The following LRBA variants were observed in gnomAD, a reference collection of about 807,000 sequenced individuals.
LRBA encodes the protein LPS responsive beige-like anchor protein.
Under a neutral mutation model 330.0 loss-of-function variants are expected in LRBA, and 176 were observed. The observed-to-expected ratio is 0.53, with a 90% CI of 0.47 to 0.60. LRBA has a LOEUF of 0.60. LRBA is among the 20% of genes least tolerant of loss of function. The probability of loss-of-function intolerance (pLI) is 0.00; values close to 1 mark genes in which losing one functional copy is unlikely to be tolerated. For synonymous variants in LRBA, 1,230 were observed against 1,193.0 expected (o/e 1.03, Z -0.64); for missense variants, 3,259 against 3,444.8 (o/e 0.95, Z 1.35).
chr4:150,652,001 A>C (rs1212281266), intron 37 of LRBA, among the ~76,000 whole-genome samples: 1 of 151,884 alleles, frequency 6.6e-6, no homozygotes, highest in Non-Finnish European at 1.5e-5. Context: ...ATACTACCAC[A>C]CTCAGATAAT....
At chr4:150,453,334 T>G (rs1285543649) in intron 44 of LRBA, among the ~76,000 whole-genome samples, 1 of 152,176 alleles carries the variant, frequency 6.6e-6, no homozygotes, top group Non-Finnish European at 1.5e-5. Context: ...ACTGATTAAT[T>G]GTGAAGAACA....
intron 40 of LRBA, among the ~76,000 whole-genome samples, chr4:150,508,253 G>GGGGAA (rs1761392532): frequency 3.4e-5 from 3 of 88,030 alleles, no homozygotes; most frequent in South Asian, 4.4e-4. Flanking sequence ...GGGGGGGGGG[G>GGGGAA]AGAAAAAGAC....
intron 36 of LRBA, 73 bp from the exon 37 acceptor site, chr4:150,683,790 T>C (rs761135051): frequency 8.2e-7 from 1 of 1,216,616 alleles, no homozygotes; most frequent in Non-Finnish European, 1.1e-6. Context: ...AAATAATCTT[T>C]ACCCTAAATC....
At chr4:150,966,414 T>C (rs1176251639) in intron 2 of LRBA, among the ~76,000 whole-genome samples, 2 of 151,728 alleles carry the variant, frequency 1.3e-5, no homozygotes, top group East Asian at 3.9e-4. Context: ...TTCAAAGCCA[T>C]TCTCCTGCCT....
intron 53 of LRBA, among the ~76,000 whole-genome samples, chr4:150,288,569 A>G (rs570244893): frequency 6.6e-6 from 1 of 152,288 alleles, no homozygotes; most frequent in Admixed American, 6.5e-5. Context: ...AGCCTGGGCA[A>G]CAGAGCGAGA....
intron 40 of LRBA, among the ~76,000 whole-genome samples, chr4:150,587,736 A>G (rs1207004548): frequency 6.6e-6 from 1 of 152,162 alleles, no homozygotes; most frequent in East Asian, 1.9e-4. Context: ...TGAATTTTGT[A>G]TCTTAATTCA....
chr4:150,437,114 G>A (rs530055697), intron 44 of LRBA, among the ~76,000 whole-genome samples: 9 of 152,160 alleles, frequency 5.9e-5, no homozygotes, highest in African/African-American at 2.2e-4. Flanking sequence ...TGGAACATAG[G>A]TGTTTAATCA....
Position 150,851,430 on chromosome 4 carries a change from G to A in LRBA, c.3825+455C>T, listed in dbSNP as rs569505348. 4.7e-4 allele frequency among the ~76,000 whole-genome samples: 71 copies of A among 152,306 alleles called. 1 individual carries two copies. Among genetic ancestry groups the A allele is most frequent in the Non-Finnish European group, 8.5e-4 (58 of 68,012 alleles). On this transcript the variant is annotated intron_variant, in intron 23 of 56. Coordinates refer to ENST00000651943, the MANE Select transcript of LRBA (RefSeq NM_001364905.1). ...TGAGATATGGACAGAGGAGAAGGCT[G>A]TGCCTCTAGATCTCACAAAGCCTCC...
In LRBA at chr4:150,817,215, G is replaced by A. The variant is rs751128630; in HGVS notation, c.5214C>T (p.Ser1738=). The A allele has an allele frequency of 5.6e-6, 9 of 1,612,078 alleles. No homozygotes were observed. In the Admixed American group the frequency reaches 1.3e-4, roughly 24 times the overall value. Residue 1738 remains serine, a synonymous_variant, in exon 31 of 57, where the codon TCC becomes TCT. Transcript: ENST00000651943. ...TGGTAGGTATGCTTGTATTAAAGGT[G>A]GAAGGTGAGACTGCTGACTTTTTTG... is the stretch of plus-strand genomic sequence containing the variant. ...VAAKKSAVSP[S]TFNTSIPTNA...
intron 36 of LRBA, among the ~76,000 whole-genome samples, chr4:150,714,028 C>T (rs748989911): frequency 5.3e-5 from 8 of 152,094 alleles, no homozygotes; most frequent in East Asian, 3.9e-4. Context: ...GGTCGATCAA[C>T]GTTTCTGATG....
At chr4:150,267,406 G>T (rs986735090) in intron 56 of LRBA, among the ~76,000 whole-genome samples, 2 of 149,226 alleles carry the variant, frequency 1.3e-5, no homozygotes, top group Admixed American at 6.7e-5. Flanking sequence ...CAAATATGTG[G>T]AAAGTAAATA....
At chr4:150,756,597 A>G in intron 35 of LRBA, among the ~76,000 whole-genome samples, 1 of 152,216 alleles carries the variant, frequency 6.6e-6, no homozygotes, top group East Asian at 1.9e-4. Context: ...AATTAAATAC[A>G]TTTGTAAAGT....
intron 37 of LRBA, among the ~76,000 whole-genome samples, chr4:150,606,396 C>T (rs148176987): frequency 8.9e-4 from 136 of 152,136 alleles, no homozygotes; most frequent in African/African-American, 3.1e-3. Context: ...ATACTGTCCC[C>T]AAATATCTAA....
At chr4:150,619,266 T>C (rs1167153837) in intron 37 of LRBA, among the ~76,000 whole-genome samples, 2 of 152,156 alleles carry the variant, frequency 1.3e-5, no homozygotes, top group South Asian at 2.1e-4. Flanking sequence ...TGGAAATCCA[T>C]TGGGAAAAAG....
chr4:150,827,958 A>G (rs1746514845), intron 30 of LRBA, among the ~76,000 whole-genome samples: 1 of 152,088 alleles, frequency 6.6e-6, no homozygotes, highest in Non-Finnish European at 1.5e-5. Flanking sequence ...TTACTGTAAG[A>G]TTACAGTATA....
At chr4:150,841,490 G>A (rs1489234362) in intron 28 of LRBA, among the ~76,000 whole-genome samples, 2 of 152,162 alleles carry the variant, frequency 1.3e-5, no homozygotes, top group East Asian at 3.9e-4. Context: ...ACAAGATAAG[G>A]CTTAGAGAAG....
chr4:150,449,506 C>T (rs1049617099), intron 44 of LRBA, among the ~76,000 whole-genome samples: 4 of 144,188 alleles, frequency 2.8e-5, no homozygotes, highest in Admixed American at 7.1e-5. Flanking sequence ...TTACCAACAA[C>T]AGCAATCTAC....
chr4:150,920,919 T>A (rs1733184504), intron 5 of LRBA, among the ~76,000 whole-genome samples: 1 of 152,222 alleles, frequency 6.6e-6, no homozygotes, highest in African/African-American at 2.4e-5. Flanking sequence ...CACAAATAGC[T>A]ACTTAAGACA....
At chr4:150,288,092 C>CAT (rs951270962) in intron 53 of LRBA, among the ~76,000 whole-genome samples, 2 of 151,714 alleles carry the variant, frequency 1.3e-5, no homozygotes, top group African/African-American at 4.8e-5. Flanking sequence ...TCCAGGTTCA[C>CAT]ACCATTCTCC....
Sources: gnomAD v4.1 joint callset for allele counts (sites outside exome capture counted in the v4.1 genomes callset) on GRCh38, gnomAD v4.1.1 for gene constraint, MANE v1.5 for transcripts, NCBI Gene and HGNC (gene_info 2026-07-23, HGNC 2026-07-21) for gene names.